The following RASSF8 variants were observed in gnomAD, a reference collection of about 807,000 sequenced individuals.
RASSF8 encodes ras association domain-containing protein 8.
RASSF8 carries 22 observed loss-of-function variants against 48.5 expected under a neutral mutation model. The ratio of observed to expected loss-of-function variants is 0.45; its 90% CI spans 0.32 to 0.65. RASSF8 has a LOEUF of 0.65. RASSF8 is among the 30% of genes least tolerant of loss of function. RASSF8 has a pLI of 0.03. For missense variants in RASSF8, 418 were observed against 489.2 expected, an observed-to-expected ratio of 0.85 and a Z score of 1.37; for synonymous variants, 127 against 171.5, an observed-to-expected ratio of 0.74 and a Z score of 2.03.
Position 25,990,902 on chromosome 12 carries a change from T to TA in RASSF8, c.-202-4128dup, listed in dbSNP as rs551195658. ...TCTTTTCAATAAAAAGAAATGTGCC[T>TA]AAAAAAATACACACACACACACACA... On this transcript the variant is annotated intron_variant, in intron 1 of 5. Transcript: ENST00000689635. Among the ~76,000 whole-genome samples, 146 of 151,974 alleles carry TA rather than the reference T, an allele frequency of 9.6e-4. 1 individual carries two copies. Among genetic ancestry groups the TA allele is most frequent in the East Asian group, 2.3e-3 (12 of 5,184 alleles).
chr12:26,017,779 T>C (rs917128137), intron 2 of RASSF8, among the ~76,000 whole-genome samples: 15 of 152,242 alleles, frequency 9.9e-5, no homozygotes, highest in African/African-American at 3.4e-4. Context: ...CCGCTCCTCT[T>C]GCCCTTTCCT....
chr12:26,042,983 G>T (rs1434032721), intron 2 of RASSF8, among the ~76,000 whole-genome samples: 2 of 151,924 alleles, frequency 1.3e-5, no homozygotes, highest in Non-Finnish European at 2.9e-5. Flanking sequence ...CATTAGTATT[G>T]TGCCCATTCC....
At chr12:26,042,576 T>C (rs776034440) in intron 2 of RASSF8, among the ~76,000 whole-genome samples, 11 of 152,198 alleles carry the variant, frequency 7.2e-5, no homozygotes, top group Non-Finnish European at 5.9e-5. Context: ...TGATAAGGTG[T>C]TAAGAAATGT....
chr12:26,018,333 A>G (rs1181328295), intron 2 of RASSF8, among the ~76,000 whole-genome samples: 2 of 152,134 alleles, frequency 1.3e-5, no homozygotes. Context: ...ATAGCTCTAG[A>G]ACCTTTTTTT....
At chr12:26,056,551 T>C (rs1177366601) in intron 3 of RASSF8, among the ~76,000 whole-genome samples, 1 of 152,230 alleles carries the variant, frequency 6.6e-6, no homozygotes, top group Non-Finnish European at 1.5e-5. Context: ...TAGCTCAGCA[T>C]TGAAATGAGT....
chr12:25,961,638 T>A (rs1177566179), intron 1 of RASSF8, among the ~76,000 whole-genome samples: 1 of 152,172 alleles, frequency 6.6e-6, no homozygotes, highest in African/African-American at 2.4e-5. Flanking sequence ...GTTGCATTTC[T>A]GGAAAATGGG....
intron 2 of RASSF8, among the ~76,000 whole-genome samples, chr12:26,011,327 T>C (rs1414882117): frequency 6.6e-6 from 1 of 152,162 alleles, no homozygotes; most frequent in East Asian, 1.9e-4. Context: ...ATAGGTCCTC[T>C]TTAAGAATTT....
intron 1 of RASSF8, among the ~76,000 whole-genome samples, chr12:25,988,179 T>TA (rs34312792): frequency 6.6e-6 from 1 of 152,100 alleles, no homozygotes; most frequent in Non-Finnish European, 1.5e-5. Flanking sequence ...TGTTATTTTT[T>TA]AAAAAATGAA....
At chr12:25,978,429 A>G (rs527457843) in intron 1 of RASSF8, among the ~76,000 whole-genome samples, 3 of 152,318 alleles carry the variant, frequency 2.0e-5, no homozygotes, top group African/African-American at 7.2e-5. Context: ...TGTTAATTAT[A>G]TATGTACTAC....
intron 2 of RASSF8, among the ~76,000 whole-genome samples, chr12:26,010,585 T>C (rs1033098618): frequency 2.8e-4 from 42 of 152,224 alleles, no homozygotes; most frequent in African/African-American, 6.5e-4. Flanking sequence ...TCCTTAATTA[T>C]CTCTTCTCAT....
intron 3 of RASSF8, among the ~76,000 whole-genome samples, chr12:26,063,820 T>C (rs1311387419): frequency 6.6e-6 from 1 of 152,136 alleles, no homozygotes; most frequent in Non-Finnish European, 1.5e-5. Context: ...CCTCTTTTTA[T>C]ATGAATTTGT....
chr12:26,072,701 G>A lies in RASSF8; in HGVS notation c.*3883G>A, dbSNP rs185948851. On this transcript the variant is annotated 3_prime_UTR_variant, in exon 6 of 6. Transcript: ENST00000689635. Reference sequence around the variant, plus strand: ...TTGTGAGCACATAAATATGCTTTTAGTACTGCTTTGCTTATGTACAAATAA... The same window carrying A: ...TTGTGAGCACATAAATATGCTTTTAATACTGCTTTGCTTATGTACAAATAA... 1.2e-5 allele frequency: 12 copies of A among 983,734 alleles called. No homozygotes were observed. Among genetic ancestry groups the A allele is most frequent in the Non-Finnish European group, 1.4e-5 (12 of 828,418 alleles). 60.9% of individuals were successfully genotyped at this position (983,734 alleles called of 1,614,324 possible).
At chr12:26,062,781 A>T (rs899048219) in intron 3 of RASSF8, among the ~76,000 whole-genome samples, 3 of 152,190 alleles carry the variant, frequency 2.0e-5, no homozygotes, top group African/African-American at 7.2e-5. Flanking sequence ...TTATAGGAAA[A>T]ATGTCTTACT....
intron 2 of RASSF8, among the ~76,000 whole-genome samples, chr12:25,996,796 T>A (rs1942145242): frequency 6.6e-6 from 1 of 152,164 alleles, no homozygotes; most frequent in East Asian, 1.9e-4. Context: ...ACCTGAAACT[T>A]AGAAAACTTG....
At chr12:26,048,767 T>TG (rs1415969622) in intron 2 of RASSF8, among the ~76,000 whole-genome samples, 2 of 152,134 alleles carry the variant, frequency 1.3e-5, no homozygotes, top group South Asian at 2.1e-4. Context: ...TGTTTTGTTT[T>TG]TTTCAGACGG....
downstream of RASSF8, among the ~76,000 whole-genome samples, chr12:26,075,706 C>G (rs899465582): frequency 6.6e-6 from 1 of 152,160 alleles, no homozygotes; most frequent in Admixed American, 6.5e-5. Flanking sequence ...GTGTGAAGAT[C>G]AAATAAACAA....
At chr12:26,001,739 C>A (rs1942263341) in intron 2 of RASSF8, among the ~76,000 whole-genome samples, 1 of 151,698 alleles carries the variant, frequency 6.6e-6, no homozygotes, top group African/African-American at 2.4e-5. Flanking sequence ...GTGCCTTCTG[C>A]TGGAATACCT....
Position 26,071,650 on chromosome 12 carries a change from G to A in RASSF8, c.*2832G>A. ...ATAACATTTTGTTTTTTGTCTTGAT[G>A]CACAGGGACTTTTTTATAATATGAG... On this transcript the variant is annotated 3_prime_UTR_variant, in exon 6 of 6. Coordinates refer to ENST00000689635, the MANE Select transcript of RASSF8 (RefSeq NM_001394098.1). 2.0e-6 allele frequency: 2 copies of A among 984,748 alleles called. No individual in the cohort carries two copies. The highest frequency in any genetic ancestry group is 2.4e-6 in the Non-Finnish European group (2 of 829,438). 61.0% of individuals were successfully genotyped at this position (984,748 alleles called of 1,614,324 possible). A position where few individuals can be genotyped will look rare whatever the true frequency, so the allele number is the denominator to read the frequency against.
At chr12:25,984,794 T>G (rs898748016) in intron 1 of RASSF8, among the ~76,000 whole-genome samples, 3 of 152,264 alleles carry the variant, frequency 2.0e-5, no homozygotes, top group Admixed American at 6.5e-5. Context: ...GAATGTTTCC[T>G]TTTGTTTATA....
Sources: gnomAD v4.1 joint callset for allele counts (sites outside exome capture counted in the v4.1 genomes callset) on GRCh38, gnomAD v4.1.1 for gene constraint, MANE v1.5 for transcripts, NCBI Gene and HGNC (gene_info 2026-07-23, HGNC 2026-07-21) for gene names.